Variants in FHDC1 observed in about 807,000 individuals in gnomAD.
The protein encoded by FHDC1 is FH2 domain-containing protein 1.
FHDC1 carries 25 observed loss-of-function variants against 52.6 expected under a neutral mutation model. That is an observed-to-expected ratio of 0.48 (90% CI 0.35 to 0.66). The LOEUF (loss-of-function observed/expected upper bound fraction) is 0.66. FHDC1 is among the 30% of genes least tolerant of loss of function. The pLI is 0.01. For missense variants in FHDC1, 1,459 were observed against 1,452.8 expected (o/e 1.00, Z -0.07); for synonymous variants, 616 against 581.5 (o/e 1.06, Z -0.85).
At position 152,975,771 on chromosome 4, in the gene FHDC1, GC is replaced by G. The variant is rs1561216989; in HGVS notation, c.2486del (p.Pro829LeufsTer32). On this transcript the variant is annotated frameshift_variant, in exon 12 of 12. Coordinates refer to ENST00000511601, the MANE Select transcript of FHDC1 (RefSeq NM_001371116.1). LOFTEE classifies it low-confidence loss of function (END_TRUNC). ...DSQVSSNPTS[S>X]PPGEAPAPVS... ...CAAGTCTCCTCCAACCCTACATCCA[GC>G]CCCCCTGGGGAGGCTCCTGCCCCCG... 1 of 1,561,670 alleles carries G rather than the reference GC, an allele frequency of 6.4e-7. No homozygotes were observed. Among genetic ancestry groups the G allele is most frequent in the Non-Finnish European group, 8.7e-7 (1 of 1,152,040 alleles).
intron 2 of FHDC1, among the ~76,000 whole-genome samples, chr4:152,946,311 T>C (rs1300902836): frequency 6.6e-6 from 1 of 152,240 alleles, no homozygotes; most frequent in African/African-American, 2.4e-5. Flanking sequence ...AACTCTTCAG[T>C]ATTCAAGTAT....
chr4:152,960,736 T>C lies in FHDC1; in HGVS notation c.750-8T>C. ...CAAATTCTACAGTTTTACTTTTTTA[T>C]TTTTCAGCTATTCACTTCGGATTGA... On this transcript the variant is annotated splice_region_variant and splice_polypyrimidine_tract_variant and intron_variant, in intron 5 of 11. Coordinates refer to ENST00000511601, the MANE Select transcript of FHDC1 (RefSeq NM_001371116.1). 1 of 1,612,050 alleles carries C rather than the reference T, an allele frequency of 6.2e-7. No homozygotes were observed. Among genetic ancestry groups the C allele is most frequent in the South Asian group, 1.1e-5 (1 of 90,318 alleles).
chr4:152,921,430 T>A, the FHDC1 span, among the ~76,000 whole-genome samples: 3 of 152,180 alleles, frequency 2.0e-5, no homozygotes, highest in African/African-American at 4.8e-5. Context: ...TTACCCAGAT[T>A]ACTTATGAAA....
chr4:152,926,135 G>A, the FHDC1 span, among the ~76,000 whole-genome samples: 1 of 151,326 alleles, frequency 6.6e-6, no homozygotes, highest in African/African-American at 2.4e-5. Flanking sequence ...CAAGAAAAAG[G>A]AGAGACAGCA....
upstream of FHDC1, among the ~76,000 whole-genome samples, chr4:152,934,428 T>C (rs1216745072): frequency 6.6e-6 from 1 of 152,188 alleles, no homozygotes; most frequent in East Asian, 1.9e-4. Context: ...GTCCCTGACA[T>C]TGAAGAGAAA....
chr4:152,936,111 C>A (rs1739362693), upstream of FHDC1, among the ~76,000 whole-genome samples: 1 of 152,072 alleles, frequency 6.6e-6, no homozygotes, highest in Non-Finnish European at 1.5e-5. Context: ...CGAGGCGTCT[C>A]CCCCGGGGCC....
chr4:152,967,839 A>C, intron 9 of FHDC1, 141 bp from the exon 10 acceptor site: 1 of 628,254 alleles, frequency 1.6e-6, no homozygotes, highest in South Asian at 2.0e-5. Flanking sequence ...AAAAGATCTA[A>C]ATACAGGGGT....
At chr4:152,973,416 G>A (rs1197111371) in intron 11 of FHDC1, among the ~76,000 whole-genome samples, 1 of 152,238 alleles carries the variant, frequency 6.6e-6, no homozygotes, top group Non-Finnish European at 1.5e-5. Flanking sequence ...GGCTCAGCCT[G>A]TGGCCACGTT....
At chr4:152,927,669 T>C in the FHDC1 span, 1 of 1,582,932 alleles carries the variant, frequency 6.3e-7, no homozygotes. Context: ...CAGTTCAAAT[T>C]CAAAAACATG....
upstream of FHDC1, among the ~76,000 whole-genome samples, chr4:152,934,549 G>T (rs1739313907): frequency 6.6e-6 from 1 of 152,166 alleles, no homozygotes; most frequent in South Asian, 2.1e-4. Flanking sequence ...TTTCCTTTAA[G>T]AAGTTCCCCC....
intron 2 of FHDC1, among the ~76,000 whole-genome samples, chr4:152,947,080 A>AT (rs1259272553): frequency 1.3e-5 from 2 of 152,068 alleles, no homozygotes; most frequent in African/African-American, 4.8e-5. Context: ...TTAGCCGGGC[A>AT]TGATGTTACA....
At chr4:152,912,282 A>G in the FHDC1 span, 12 of 152,192 alleles carry the variant, frequency 7.9e-5, no homozygotes. Context: ...ATTATAGAAA[A>G]GAATTAGAAG....
At chr4:152,916,977 C>T in the FHDC1 span, 2 of 152,140 alleles carry the variant, frequency 1.3e-5, no homozygotes, top group African/African-American at 4.8e-5. Context: ...TATGTGCCAC[C>T]ATGCCCAACT....
upstream of FHDC1, among the ~76,000 whole-genome samples, chr4:152,935,803 TGGCGCGTGCGTCGG>T (rs979381247): frequency 2.0e-5 from 3 of 151,576 alleles, no homozygotes; most frequent in African/African-American, 7.3e-5. Flanking sequence ...GAGGGTGGTC[TGGCGCGTGCGTCGG>T]GGGGCGTGTG....
the FHDC1 span, among the ~76,000 whole-genome samples, chr4:152,913,984 C>T: frequency 6.6e-6 from 1 of 152,150 alleles, no homozygotes; most frequent in Non-Finnish European, 1.5e-5. Context: ...CCACACCCAG[C>T]CCTAATCACA....
intron 6 of FHDC1, among the ~76,000 whole-genome samples, chr4:152,962,471 T>A (rs1740308503): frequency 6.6e-6 from 1 of 152,206 alleles, no homozygotes; most frequent in Non-Finnish European, 1.5e-5. Context: ...AAAAATTAAA[T>A]AACTGCTGAG....
the FHDC1 span, chr4:152,928,053 C>A: frequency 2.8e-6 from 4 of 1,421,184 alleles, no homozygotes; most frequent in Non-Finnish European, 3.0e-6. Flanking sequence ...ATCCACTGCC[C>A]CTCTGCTGCA....
Position 152,975,618 on chromosome 4 carries a change from C to T in FHDC1, c.2327C>T (p.Thr776Ile), listed in dbSNP as rs1194792137. Residue 776 changes from threonine (T) to isoleucine (I), a missense_variant, in exon 12 of 12, where the codon ACC becomes ATC. Physicochemically the swap from Thr to Ile is moderately conservative, Grantham distance 89. Transcript: ENST00000511601. ...AGACCTCTGTTCTGCATCTCGGACA[C>T]CACCGACTGCTCACTGACCCTGGAC... ...DPRPLFCISD[T>I]TDCSLTLDCS... 1 of 1,613,520 alleles carries T rather than the reference C, an allele frequency of 6.2e-7. No homozygotes were observed. Among genetic ancestry groups the T allele is most frequent in the Non-Finnish European group, 8.5e-7 (1 of 1,180,042 alleles).
chr4:152,942,708 A>G lies in FHDC1; in HGVS notation c.-130-220A>G, dbSNP rs546223832. On this transcript the variant is annotated intron_variant, in intron 1 of 11. Coordinates refer to ENST00000511601, the MANE Select transcript of FHDC1 (RefSeq NM_001371116.1). ...TTTGTTGATTAATATAAGGTTTCCAATTGGATTTGTTGCAATTTCTCTGGC... is the reference window on the plus strand; with the variant it reads ...TTTGTTGATTAATATAAGGTTTCCAGTTGGATTTGTTGCAATTTCTCTGGC... Among the ~76,000 whole-genome samples, 43 of 152,314 alleles carry G rather than the reference A, an allele frequency of 2.8e-4. No individual in the cohort carries two copies. The South Asian group carries it at 7.7e-3, about 27-fold the overall frequency.
Sources: allele counts gnomAD v4.1 joint callset (sites outside exome capture counted in the v4.1 genomes callset), GRCh38; gene constraint gnomAD v4.1.1; transcripts MANE v1.5; gene names NCBI Gene and HGNC (gene_info 2026-07-23, HGNC 2026-07-21).